LDHAL6B: variants seen among roughly 807,000 people sequenced by gnomAD.
The protein encoded by LDHAL6B is lactate dehydrogenase A like 6B.
For synonymous variants in LDHAL6B, 205 were observed against 170.6 expected (o/e 1.20, Z -1.57); for missense variants, 523 against 473.9 (o/e 1.10, Z -0.96).
rs1448439054 is a variant in LDHAL6B, at chr15:59,208,475, GCTT to G, written c.*395_*397del. The G allele has an allele frequency of 3.7e-5, 24 of 648,410 alleles. No homozygotes were observed. In the East Asian group the frequency reaches 5.9e-4, roughly 16 times the overall value. 40.2% of individuals were successfully genotyped at this position (648,410 alleles called of 1,614,324 possible). A position where few individuals can be genotyped will look rare whatever the true frequency, so the allele number is the denominator to read the frequency against. On this transcript the variant is annotated 3_prime_UTR_variant, in exon 1 of 1. Coordinates refer to ENST00000307144, the MANE Select transcript of LDHAL6B (RefSeq NM_033195.3). ...ATTTATATGCTGTAAAAAAGTAGTA[GCTT>G]CTTCTACAATGTAAAAATAAATGTA... is the stretch of plus-strand genomic sequence containing the variant.
Position 59,208,060 on chromosome 15 carries a change from G to A in LDHAL6B, c.1120G>A (p.Glu374Lys), listed in dbSNP as rs1555411222. ...GAAAAAAAGTGCAAAAACACTCTGGGAAATTCAGAATAAGCTTAAGCTTTA... is the reference window on the plus strand; with the variant it reads ...GAAAAAAAGTGCAAAAACACTCTGGAAAATTCAGAATAAGCTTAAGCTTTA... ...HLKKSAKTLW[E>K]IQNKLKL Residue 374 changes from glutamate (E) to lysine (K), a missense_variant, in exon 1 of 1, where the codon GAA (glutamate) becomes AAA (lysine). Transcript: ENST00000307144. 3.2e-6 allele frequency: 5 copies of A among 1,584,156 alleles called. No individual in the cohort carries two copies. The highest frequency in any genetic ancestry group is 4.3e-6 in the Non-Finnish European group (5 of 1,171,688).
At position 59,207,871 on chromosome 15, in the gene LDHAL6B, A is replaced by C; in HGVS notation, c.931A>C (p.Ser311Arg). The stretch of plus-strand genomic sequence containing the variant: ...CCTATCTGTGGCCGATTTAACAGAA[A>C]GTATTTTGAAGAATCTTAGGAGAAT... ...IGLSVADLTE[S>R]ILKNLRRIHP... Residue 311 changes from serine to arginine, a missense_variant, in exon 1 of 1, where the codon AGT becomes CGT. Coordinates refer to ENST00000307144, the MANE Select transcript of LDHAL6B (RefSeq NM_033195.3). 6.2e-7 allele frequency: 1 copy of C among 1,614,226 alleles called. No homozygotes were observed. Among genetic ancestry groups the C allele is most frequent in the Non-Finnish European group, 8.5e-7 (1 of 1,180,026 alleles).
At position 59,207,748 on chromosome 15, in the gene LDHAL6B, G is replaced by C. The variant is rs569167653; in HGVS notation, c.808G>C (p.Asp270His). Residue 270 changes from aspartate to histidine, a missense_variant, in exon 1 of 1, where the codon GAT (aspartate) becomes CAT (histidine). Transcript: ENST00000307144. ...LKDLNSDIGT[D>H]KDPEQWKNVH... ...GGATCTGAACTCTGATATAGGAACTGATAAAGATCCTGAGCAATGGAAAAA... is the reference window on the plus strand; with the variant it reads ...GGATCTGAACTCTGATATAGGAACTCATAAAGATCCTGAGCAATGGAAAAA... 4 of 1,614,092 alleles carry C rather than the reference G, an allele frequency of 2.5e-6. No individual in the cohort carries two copies. The highest frequency in any genetic ancestry group is 3.4e-6 in the Non-Finnish European group (4 of 1,179,956).
rs147524188 is a variant in LDHAL6B, at chr15:59,207,193, G to T, written c.253G>T (p.Ala85Ser). The change falls in exon 1 of 1, where the codon GCT becomes TCT. Residue 85 changes from alanine (A) to serine (S), a missense_variant. Transcript: ENST00000307144. ...AACTGGATCGGTGGGCATGGCCTGC[G>T]CTATCAGCATCTTATTAAAAGGCTT... ...IGTGSVGMAC[A>S]ISILLKGLSD... 43 of 1,614,084 alleles carry T rather than the reference G, an allele frequency of 2.7e-5. No individual in the cohort carries two copies. The highest frequency in any genetic ancestry group is 3.6e-5 in the Non-Finnish European group (42 of 1,180,048).
At position 59,207,022 on chromosome 15, in the gene LDHAL6B, C is replaced by G; in HGVS notation, c.82C>G (p.Leu28Val). Residue 28 changes from leucine (L) to valine (V), a missense_variant, in exon 1 of 1, where the codon CTG becomes GTG. By Grantham distance (32) the Leu-to-Val change is conservative (BLOSUM62 1). Transcript: ENST00000307144. ...GAATTTCCTATGCCTGGGGATGGCC[C>G]TGTGTCCGCGTCAAGCAACGCGCAT... The part of the protein sequence containing the change: ...GANFLCLGMA[L>V]CPRQATRIPL... The G allele has an allele frequency of 6.2e-7, 1 of 1,613,608 alleles. No homozygotes were observed. Among genetic ancestry groups the G allele is most frequent in the Non-Finnish European group, 8.5e-7 (1 of 1,180,002 alleles).
Position 59,207,353 on chromosome 15 carries a change from C to T in LDHAL6B, c.413C>T (p.Ser138Phe). ...AAAGATTACTTTGTCACAGCAAACT[C>T]CAACCTAGTGATTATCACAGCAGGT... is the stretch of plus-strand genomic sequence containing the variant. ...CSKDYFVTAN[S>F]NLVIITAGAR... is the part of the protein sequence containing the mutation. Residue 138 changes from serine to phenylalanine, a missense_variant, in exon 1 of 1, where the codon TCC becomes TTC. By Grantham distance (155) the Ser-to-Phe change is radical. Coordinates refer to ENST00000307144, the MANE Select transcript of LDHAL6B (RefSeq NM_033195.3). 6.2e-7 allele frequency: 1 copy of T among 1,614,036 alleles called. No individual in the cohort carries two copies. The highest frequency in any genetic ancestry group is 8.5e-7 in the Non-Finnish European group (1 of 1,179,910).
rs1388640359 is a variant in LDHAL6B at position 59,207,165 on chromosome 15, AGGAACT to A, written c.229_234del (p.Thr77_Gly78del). On this transcript the variant is annotated inframe_deletion, in exon 1 of 1. Coordinates refer to ENST00000307144, the MANE Select transcript of LDHAL6B (RefSeq NM_033195.3). The stretch of plus-strand genomic sequence containing the variant: ...TTCATCACAGTAAGGTCTCCATCAT[AGGAACT>A]GGATCGGTGGGCATGGCCTGCGCTA... 5.0e-6 allele frequency: 8 copies of A among 1,614,140 alleles called. No homozygotes were observed. Among genetic ancestry groups the A allele is most frequent in the Non-Finnish European group, 6.8e-6 (8 of 1,180,048 alleles).
At position 59,207,509 on chromosome 15, in the gene LDHAL6B, A is replaced by C; in HGVS notation, c.569A>C (p.Asp190Ala). 2 of 1,614,000 alleles carry C rather than the reference A, an allele frequency of 1.2e-6. No individual in the cohort carries two copies. The highest frequency in any genetic ancestry group is 2.2e-5 in the East Asian group (1 of 44,884). Residue 190 changes from aspartate (D) to alanine (A), a missense_variant, in exon 1 of 1, where the codon GAT (aspartate) becomes GCT (alanine). Transcript: ENST00000307144. The part of the protein sequence containing the change: ...CKLIIVSNPV[D>A]ILTYVAWKLS... ...CTGATTATTGTTTCCAATCCAGTGG[A>C]TATCTTAACTTATGTAGCTTGGAAG... is the stretch of plus-strand genomic sequence containing the variant.
chr15:59,208,062 A>G lies in LDHAL6B; in HGVS notation c.1122A>G (p.Glu374=). 6.3e-7 allele frequency: 1 copy of G among 1,583,602 alleles called. No homozygotes were observed. Among genetic ancestry groups the G allele is most frequent in the South Asian group, 1.2e-5 (1 of 84,792 alleles). The change falls in exon 1 of 1, where the codon GAA becomes GAG. Residue 374 remains glutamate (E), a synonymous_variant. Coordinates refer to ENST00000307144, the MANE Select transcript of LDHAL6B (RefSeq NM_033195.3). The part of the protein sequence containing the change: ...HLKKSAKTLW[E]IQNKLKL ...AAAAAAGTGCAAAAACACTCTGGGA[A>G]ATTCAGAATAAGCTTAAGCTTTAAA... is the stretch of plus-strand genomic sequence containing the variant.
chr15:59,207,633 T>C lies in LDHAL6B; in HGVS notation c.693T>C (p.Ser231=). Residue 231 remains serine, a synonymous_variant, in exon 1 of 1, where the codon TCT becomes TCC. Transcript: ENST00000307144. ...FLIGQKLGIH[S]ESCHGWILGE... is the part of the protein sequence containing the mutation. The stretch of plus-strand genomic sequence containing the variant: ...TTGGACAAAAGCTTGGTATCCATTC[T>C]GAAAGCTGCCATGGATGGATCCTCG... The C allele has an allele frequency of 6.2e-7, 1 of 1,614,188 alleles. No individual in the cohort carries two copies. The highest frequency in any genetic ancestry group is 1.7e-5 in the Admixed American group (1 of 60,020).
chr15:59,206,892 A>C lies in LDHAL6B; in HGVS notation c.-49A>C, dbSNP rs755385602. ...GCTCTCTTGGCGTCTCAACGTTCGG[A>C]TCAGCAGCTTTTTTCCATTCTCTCT... On this transcript the variant is annotated 5_prime_UTR_variant, in exon 1 of 1. Coordinates refer to ENST00000307144, the MANE Select transcript of LDHAL6B (RefSeq NM_033195.3). 5 of 1,566,896 alleles carry C rather than the reference A, an allele frequency of 3.2e-6. No individual in the cohort carries two copies. The highest frequency in any genetic ancestry group is 4.3e-6 in the Non-Finnish European group (5 of 1,154,950).
In LDHAL6B at chr15:59,207,029, C is replaced by T. The variant is rs3809529; in HGVS notation, c.89C>T (p.Pro30Leu). 566,783 of 1,613,676 alleles carry T rather than the reference C, an allele frequency of 0.35. 105,276 individuals carry two copies. The highest frequency in any genetic ancestry group is 0.63 in the East Asian group (28,151 of 44,872). ...CTATGCCTGGGGATGGCCCTGTGTC[C>T]GCGTCAAGCAACGCGCATCCCGCTC... The part of the protein sequence containing the change: ...NFLCLGMALC[P>L]RQATRIPLNG... The change falls in exon 1 of 1, where the codon CCG becomes CTG. Residue 30 changes from proline to leucine, a missense_variant. Pro to Leu is a moderately conservative substitution (Grantham distance 98). Transcript: ENST00000307144.
rs760559223 is a variant in LDHAL6B at position 59,207,259 on chromosome 15, C to G, written c.319C>G (p.Leu107Val). 6.2e-7 allele frequency: 1 copy of G among 1,614,162 alleles called. No individual in the cohort carries two copies. Among genetic ancestry groups the G allele is most frequent in the South Asian group, 1.1e-5 (1 of 91,090 alleles). Residue 107 changes from leucine to valine, a missense_variant, in exon 1 of 1, where the codon CTG becomes GTG. Leu to Val is a conservative substitution (Grantham distance 32). Transcript: ENST00000307144. ...CCTTGTGGATCTTGATGAAGACAAA[C>G]TGAAGGGTGAGACGATGGATCTTCA... The part of the protein sequence containing the change: ...LALVDLDEDK[L>V]KGETMDLQHG...
chr15:59,207,382 C>T lies in LDHAL6B; in HGVS notation c.442C>T (p.Arg148Cys), dbSNP rs759880084. The change falls in exon 1 of 1, where the codon CGC becomes TGC. Residue 148 changes from arginine to cysteine, a missense_variant. Physicochemically the swap from Arg to Cys is radical, Grantham distance 180 (BLOSUM62 -3). Transcript: ENST00000307144. ...CCTAGTGATTATCACAGCAGGTGCA[C>T]GCCAAGAAAAGGGAGAAACGCGCCT... ...SNLVIITAGA[R>C]QEKGETRLNL... 37 of 1,613,870 alleles carry T rather than the reference C, an allele frequency of 2.3e-5. No homozygotes were observed. Among genetic ancestry groups the T allele is most frequent in the East Asian group, 4.5e-5 (2 of 44,896 alleles).
Position 59,208,578 on chromosome 15 carries a change from A to T in LDHAL6B, c.*492A>T. On this transcript the variant is annotated 3_prime_UTR_variant, in exon 1 of 1. Coordinates refer to ENST00000307144, the MANE Select transcript of LDHAL6B (RefSeq NM_033195.3). ...GATAGTTAATAAATTCCGTTTGTTG[A>T]ATCAATAAAATACGGCGAGCCATAT... The T allele has an allele frequency of 1.4e-6, 2 of 1,400,550 alleles. No homozygotes were observed. Among genetic ancestry groups the T allele is most frequent in the East Asian group, 2.3e-5 (1 of 43,764 alleles). 86.8% of individuals were successfully genotyped at this position (1,400,550 alleles called of 1,614,324 possible).
At position 59,207,328 on chromosome 15, in the gene LDHAL6B, A is replaced by C; in HGVS notation, c.388A>C (p.Lys130Gln). ...GAAAATGCCAAATATTGTTTGTAGC[A>C]AAGATTACTTTGTCACAGCAAACTC... The part of the protein sequence containing the change: ...FTKMPNIVCS[K>Q]DYFVTANSNL... The change falls in exon 1 of 1, where the codon AAA becomes CAA. Residue 130 changes from lysine (K) to glutamine (Q), a missense_variant. Transcript: ENST00000307144. 1 of 1,614,112 alleles carries C rather than the reference A, an allele frequency of 6.2e-7. No individual in the cohort carries two copies. Among genetic ancestry groups the C allele is most frequent in the Non-Finnish European group, 8.5e-7 (1 of 1,179,956 alleles).
rs1257581443 is a variant in LDHAL6B at position 59,207,109 on chromosome 15, C to A, written c.169C>A (p.Leu57Ile). The change falls in exon 1 of 1, where the codon CTT becomes ATT. Residue 57 changes from leucine to isoleucine, a missense_variant. Leu to Ile is a conservative substitution (Grantham distance 5, BLOSUM62 2). Coordinates refer to ENST00000307144, the MANE Select transcript of LDHAL6B (RefSeq NM_033195.3). ...CAAGATGGCGACTGTGAAGAGTGAG[C>A]TTATTGAGCGTTTCACTTCCGAGAA... ...VSKMATVKSELIERFTSEKPV... is the reference protein window; with the variant it reads ...VSKMATVKSEIIERFTSEKPV... The A allele has an allele frequency of 3.1e-6, 5 of 1,614,232 alleles. No homozygotes were observed. The highest frequency in any genetic ancestry group is 2.2e-5 in the South Asian group (2 of 91,084).
At position 59,206,875 on chromosome 15, in the gene LDHAL6B, G is replaced by T; in HGVS notation, c.-66G>T. On this transcript the variant is annotated 5_prime_UTR_variant, in exon 1 of 1. Transcript: ENST00000307144. ...TGAAGGTCCTGCCAACGGCTCTCTTGGCGTCTCAACGTTCGGATCAGCAGC... is the reference window on the plus strand; with the variant it reads ...TGAAGGTCCTGCCAACGGCTCTCTTTGCGTCTCAACGTTCGGATCAGCAGC... The T allele has an allele frequency of 6.6e-7, 1 of 1,505,436 alleles. No homozygotes were observed. The highest frequency in any genetic ancestry group is 9.0e-7 in the Non-Finnish European group (1 of 1,116,506). The allele number at this position is 1,505,436 out of a possible 1,614,324, so 93.3% of individuals were successfully genotyped here. A position where few individuals can be genotyped will look rare whatever the true frequency, so the allele number is the denominator to read the frequency against.
Position 59,207,283 on chromosome 15 carries a change from C to G in LDHAL6B, c.343C>G (p.Gln115Glu). 6.2e-7 allele frequency: 1 copy of G among 1,614,170 alleles called. No individual in the cohort carries two copies. The highest frequency in any genetic ancestry group is 8.5e-7 in the Non-Finnish European group (1 of 1,180,022). ...DKLKGETMDL[Q>E]HGSPFTKMPN... ...ACTGAAGGGTGAGACGATGGATCTT[C>G]AACATGGCAGCCCTTTCACGAAAAT... is the stretch of plus-strand genomic sequence containing the variant. Residue 115 changes from glutamine (Q) to glutamate (E), a missense_variant, in exon 1 of 1, where the codon CAA (glutamine) becomes GAA (glutamate). Physicochemically the swap from Gln to Glu is conservative, Grantham distance 29. Transcript: ENST00000307144.
Sources: gnomAD v4.1 joint callset for allele counts on GRCh38, gnomAD v4.1.1 for gene constraint, MANE v1.5 for transcripts, NCBI Gene and HGNC (gene_info 2026-07-23, HGNC 2026-07-21) for gene names.